PDE10A: variants seen among roughly 807,000 people sequenced by gnomAD.
The protein encoded by PDE10A is phosphodiesterase 10A.
A neutral mutation model predicts 97.7 loss-of-function variants in PDE10A; 39 were observed. The ratio of observed to expected loss-of-function variants is 0.40; its 90% confidence interval spans 0.31 to 0.52. PDE10A has a LOEUF of 0.52. Among genes scored for constraint, PDE10A ranks in the 20% least tolerant of loss-of-function variants. The pLI, the probability that PDE10A is intolerant of heterozygous loss-of-function variation, is 0.56. For synonymous variants in PDE10A, 371 were observed against 376.8 expected (o/e 0.98, Z 0.18); for missense variants, 731 against 1,047.8 (o/e 0.70, Z 4.17).
Position 165,455,257 on chromosome 6 carries a change from T to C in PDE10A, c.1024-4895A>G, listed in dbSNP as rs74700725. On this transcript the variant is annotated intron_variant, in intron 3 of 21. Transcript: ENST00000539869. ...AGGAGTACCAATCAAAAGGGGTTCA[T>C]GGAGATCAGGTGATCAATGAAGTTT... Among the ~76,000 whole-genome samples, 1,518 of 152,254 alleles carry C rather than the reference T, an allele frequency of 1.0e-2. 7 individuals carry two copies. Among genetic ancestry groups the C allele is most frequent in the Non-Finnish European group, 0.016 (1,099 of 68,018 alleles).
At chr6:165,787,328 G>A (rs928294925) in intron 1 of PDE10A, among the ~76,000 whole-genome samples, 4 of 152,220 alleles carry the variant, frequency 2.6e-5, no homozygotes, top group African/African-American at 9.6e-5. Flanking sequence ...TTTCCAGCAT[G>A]AAGAACTAGG....
chr6:165,411,077 A>G (rs1434040994), intron 13 of PDE10A, among the ~76,000 whole-genome samples: 1 of 79,250 alleles, frequency 1.3e-5, no homozygotes, highest in Admixed American at 1.3e-4. Context: ...ACAGAGCGAG[A>G]CTCCGCCTCA....
intron 1 of PDE10A, among the ~76,000 whole-genome samples, chr6:165,904,448 C>T (rs964703458): frequency 1.1e-4 from 16 of 152,130 alleles, no homozygotes; most frequent in African/African-American, 3.4e-4. Flanking sequence ...TAAGAATCAA[C>T]CCATACAGGA....
chr6:165,728,044 G>A (rs969084556), intron 1 of PDE10A, among the ~76,000 whole-genome samples: 3 of 152,244 alleles, frequency 2.0e-5, no homozygotes, highest in African/African-American at 4.8e-5. Context: ...CCAACAGTCC[G>A]AGCAATAGCC....
chr6:165,952,683 CG>C (rs1257037959), intron 1 of PDE10A, among the ~76,000 whole-genome samples: 1 of 152,198 alleles, frequency 6.6e-6, no homozygotes. Flanking sequence ...GGGCTCTGCA[CG>C]GGACGGAAAG....
At chr6:165,352,768 G>GA (rs544685756) in intron 18 of PDE10A, among the ~76,000 whole-genome samples, 12 of 151,840 alleles carry the variant, frequency 7.9e-5, no homozygotes, top group Non-Finnish European at 1.5e-4. Flanking sequence ...TAACATAGAA[G>GA]AAAAATCTAG....
intron 1 of PDE10A, among the ~76,000 whole-genome samples, chr6:165,733,668 A>G (rs1244607830): frequency 1.3e-5 from 2 of 152,220 alleles, no homozygotes; most frequent in Admixed American, 1.3e-4. Flanking sequence ...GAGACTTTAA[A>G]AGGCTGGGAT....
intron 10 of PDE10A, among the ~76,000 whole-genome samples, chr6:165,427,371 G>A (rs925803617): frequency 3.9e-5 from 6 of 152,172 alleles, no homozygotes; most frequent in East Asian, 3.9e-4. Flanking sequence ...GGCACAAAAC[G>A]CTACATATTA....
chr6:165,663,291 C>G (rs1216083900), upstream of PDE10A, among the ~76,000 whole-genome samples: 1 of 151,988 alleles, frequency 6.6e-6, no homozygotes, highest in Non-Finnish European at 1.5e-5. Flanking sequence ...GCCTTCCGCG[C>G]CCACGTAGCG....
At chr6:165,532,482 C>A (rs6906719) in intron 2 of PDE10A, among the ~76,000 whole-genome samples, 32,320 of 151,724 alleles carry the variant, frequency 0.21, 5,640 homozygotes, top group African/African-American at 0.48. Context: ...GGGCAATGTA[C>A]AATAAGTGCA....
intron 1 of PDE10A, among the ~76,000 whole-genome samples, chr6:165,688,981 T>G (rs1180672413): frequency 6.6e-6 from 1 of 152,212 alleles, no homozygotes; most frequent in Non-Finnish European, 1.5e-5. Context: ...TCTTCAAATA[T>G]TTTAAGTGAT....
At chr6:165,508,832 TGTTA>T (rs1461750202) in intron 2 of PDE10A, among the ~76,000 whole-genome samples, 1 of 152,006 alleles carries the variant, frequency 6.6e-6, no homozygotes, top group Non-Finnish European at 1.5e-5. Context: ...CAAAATTCAG[TGTTA>T]GTATGTTTAT....
intron 1 of PDE10A, among the ~76,000 whole-genome samples, chr6:165,845,714 A>G (rs1349517344): frequency 6.6e-6 from 1 of 152,234 alleles, no homozygotes; most frequent in Non-Finnish European, 1.5e-5. Flanking sequence ...GCTATCTGGA[A>G]TCAACTGAAC....
rs77726472 is a variant in PDE10A, at chr6:165,346,846, A to C, written c.2784-3344T>G. On this transcript the variant is annotated intron_variant, in intron 18 of 21. Transcript: ENST00000539869. Reference sequence around the variant, plus strand: ...AATTTCTTTTGAATTTCTGTATTCAAAAGTATACTGATGTATAAGCAAAGA... The same window carrying C: ...AATTTCTTTTGAATTTCTGTATTCACAAGTATACTGATGTATAAGCAAAGA... Among the ~76,000 whole-genome samples, 1,158 of 152,318 alleles carry C rather than the reference A, an allele frequency of 7.6e-3. 7 individuals are homozygous for C. Among genetic ancestry groups the C allele is most frequent in the Middle Eastern group, 0.02 (6 of 294 alleles).
chr6:165,976,062 C>A (rs185994118), intron 1 of PDE10A, among the ~76,000 whole-genome samples: 8 of 152,238 alleles, frequency 5.3e-5, no homozygotes, highest in Admixed American at 1.3e-4. Context: ...AAAGAACCTG[C>A]TATTAAGCAT....
intron 1 of PDE10A, among the ~76,000 whole-genome samples, chr6:165,762,366 G>A (rs1019109873): frequency 6.6e-5 from 10 of 152,108 alleles, no homozygotes; most frequent in Non-Finnish European, 7.3e-5. Context: ...GCAGCAAGCA[G>A]CAGTACCTAG....
At chr6:165,673,158 A>C (rs1452846167) in intron 1 of PDE10A, among the ~76,000 whole-genome samples, 1 of 152,236 alleles carries the variant, frequency 6.6e-6, no homozygotes, top group Non-Finnish European at 1.5e-5. Context: ...AAATAAAATC[A>C]GTGAAAATTT....
intron 1 of PDE10A, among the ~76,000 whole-genome samples, chr6:165,586,742 A>G (rs1785935756): frequency 6.6e-6 from 1 of 152,192 alleles, no homozygotes; most frequent in South Asian, 2.1e-4. Flanking sequence ...GACTTTTCAT[A>G]AGAATGTTAG....
chr6:165,854,123 A>G (rs1199235511), intron 1 of PDE10A, among the ~76,000 whole-genome samples: 1 of 151,808 alleles, frequency 6.6e-6, no homozygotes, highest in Non-Finnish European at 1.5e-5. Context: ...GGGCGGTGAG[A>G]CCCTCCCGTG....
Sources: gnomAD v4.1 joint callset for allele counts (sites outside exome capture counted in the v4.1 genomes callset) on GRCh38, gnomAD v4.1.1 for gene constraint, MANE v1.5 for transcripts, NCBI Gene and HGNC (gene_info 2026-07-23, HGNC 2026-07-21) for gene names.